Variants in XKR6 observed in about 807,000 individuals in gnomAD.
XKR6 encodes XK related 6, also known as XK-related protein 6.
A neutral mutation model predicts 56.7 loss-of-function variants in XKR6; 22 were observed. That is an observed-to-expected ratio of 0.39 (90% CI 0.28 to 0.55). XKR6 has a LOEUF of 0.55. Ranked by LOEUF, XKR6 falls within the 20% of genes least tolerant of loss-of-function variation. The pLI is 0.66. For synonymous variants in XKR6, 524 were observed against 387.8 expected, an observed-to-expected ratio of 1.35 and a Z score of -4.13; for missense variants, 852 against 889.0, an observed-to-expected ratio of 0.96 and a Z score of 0.53.
intron 1 of XKR6, among the ~76,000 whole-genome samples, chr8:11,046,034 T>C (rs1048348751): frequency 6.6e-6 from 1 of 152,036 alleles, no homozygotes; most frequent in Admixed American, 6.6e-5. Context: ...ATGCAGTCCC[T>C]CAAAAAAGTT....
intron 2 of XKR6, among the ~76,000 whole-genome samples, chr8:10,910,758 C>G (rs1039484246): frequency 2.0e-5 from 3 of 152,212 alleles, no homozygotes; most frequent in African/African-American, 7.2e-5. Context: ...CTTGTCTGTT[C>G]TTTTTAAGAT....
intron 1 of XKR6, among the ~76,000 whole-genome samples, chr8:10,979,570 C>G (rs947263699): frequency 1.4e-4 from 21 of 152,318 alleles, no homozygotes; most frequent in African/African-American, 5.1e-4. Context: ...GACAGTTGGT[C>G]AAGCCACTTC....
At chr8:11,140,764 G>T (rs1456871913) in intron 1 of XKR6, among the ~76,000 whole-genome samples, 1 of 152,042 alleles carries the variant, frequency 6.6e-6, no homozygotes, top group Non-Finnish European at 1.5e-5. Context: ...CAGGCATGGT[G>T]GTGGGCGCCT....
chr8:11,087,731 C>T (rs1004000976), intron 1 of XKR6, among the ~76,000 whole-genome samples: 3 of 152,216 alleles, frequency 2.0e-5, no homozygotes, highest in Admixed American at 2.0e-4. Flanking sequence ...AGTCACATAT[C>T]CAGCAACTTC....
At chr8:11,073,566 C>A (rs760219413) in intron 1 of XKR6, among the ~76,000 whole-genome samples, 1 of 152,184 alleles carries the variant, frequency 6.6e-6, no homozygotes, top group Non-Finnish European at 1.5e-5. Context: ...GTAACATATG[C>A]ACTGATCAAT....
At chr8:11,166,052 T>C (rs991036914) in intron 1 of XKR6, among the ~76,000 whole-genome samples, 5 of 151,792 alleles carry the variant, frequency 3.3e-5, no homozygotes, top group South Asian at 2.1e-4. Context: ...ACCTCCTGGA[T>C]TCAAGCAAAT....
In XKR6 at chr8:11,200,134, G is replaced by A. The variant is rs1804123553; in HGVS notation, c.764+442C>T. ...CCCCACGCAGGCCACTGCAGAGGGA[G>A]AACGGGGGAAGAGGGGAGGATGTCT... On this transcript the variant is annotated intron_variant, in intron 1 of 2. Transcript: ENST00000416569. The surrounding 1 kb of genome is among the most constrained non-coding windows in gnomAD (Gnocchi z 6.4). Among the ~76,000 whole-genome samples, 2 of 152,224 alleles carry A rather than the reference G, an allele frequency of 1.3e-5. No individual in the cohort carries two copies. The highest frequency in any genetic ancestry group is 2.9e-5 in the Non-Finnish European group (2 of 68,044).
intron 1 of XKR6, among the ~76,000 whole-genome samples, chr8:10,957,453 T>C (rs1438621719): frequency 1.3e-5 from 2 of 152,178 alleles, no homozygotes; most frequent in Admixed American, 6.5e-5. Flanking sequence ...GAGCCTCTTG[T>C]GGCCCATGGT....
chr8:11,170,167 A>G (rs906001184), intron 1 of XKR6, among the ~76,000 whole-genome samples: 1 of 152,246 alleles, frequency 6.6e-6, no homozygotes, highest in South Asian at 2.1e-4. Flanking sequence ...CAGAATTATC[A>G]TAAGACCCAG....
At chr8:11,003,673 G>A (rs1423264668) in intron 1 of XKR6, among the ~76,000 whole-genome samples, 1 of 152,202 alleles carries the variant, frequency 6.6e-6, no homozygotes, top group African/African-American at 2.4e-5. Flanking sequence ...CCTGCTCAAA[G>A]TCAAACTGTA....
At chr8:11,144,840 AGGAAGGGAAG>A (rs921621079) in intron 1 of XKR6, among the ~76,000 whole-genome samples, 1 of 141,570 alleles carries the variant, frequency 7.1e-6, no homozygotes, top group Non-Finnish European at 1.5e-5. Context: ...CTCAGTTTGG[AGGAAGGGAAG>A]GGAAGGGAGG....
At chr8:10,980,082 G>C (rs997847012) in intron 1 of XKR6, among the ~76,000 whole-genome samples, 6 of 152,248 alleles carry the variant, frequency 3.9e-5, no homozygotes, top group Non-Finnish European at 8.8e-5. Context: ...AGCTTGGAAT[G>C]AGATGCTCTA....
chr8:11,147,508 T>C (rs1196417879), intron 1 of XKR6, among the ~76,000 whole-genome samples: 3 of 151,718 alleles, frequency 2.0e-5, no homozygotes, highest in South Asian at 4.2e-4. Flanking sequence ...ATACAAAAAT[T>C]AGCTGGGTGT....
At chr8:10,986,219 C>T (rs756386915) in intron 1 of XKR6, among the ~76,000 whole-genome samples, 5 of 152,078 alleles carry the variant, frequency 3.3e-5, no homozygotes, top group Admixed American at 1.3e-4. Context: ...CCAGATGATT[C>T]GACATCTGGA....
chr8:10,964,041 C>G (rs1802140766), intron 1 of XKR6, among the ~76,000 whole-genome samples: 1 of 152,208 alleles, frequency 6.6e-6, no homozygotes, highest in South Asian at 2.1e-4. Context: ...ATCAGCCTCT[C>G]AGCCCTGGGC....
intron 1 of XKR6, among the ~76,000 whole-genome samples, chr8:10,964,105 A>T (rs1802142243): frequency 6.6e-6 from 1 of 152,192 alleles, no homozygotes; most frequent in Admixed American, 6.5e-5. Context: ...TGGGCTGTTC[A>T]GCTCTGAGAA....
At chr8:11,074,375 C>T (rs1320196300) in intron 1 of XKR6, among the ~76,000 whole-genome samples, 3 of 152,084 alleles carry the variant, frequency 2.0e-5, no homozygotes, top group East Asian at 1.9e-4. Context: ...GTGACACTGA[C>T]GATGCACCAG....
chr8:11,000,184 T>C (rs2129142785), intron 1 of XKR6, among the ~76,000 whole-genome samples: 1 of 152,230 alleles, frequency 6.6e-6, no homozygotes, highest in East Asian at 1.9e-4. Context: ...CCTGGTCCTG[T>C]CTTCCTTCTA....
At chr8:10,902,880 C>A (rs1036377137) in intron 2 of XKR6, among the ~76,000 whole-genome samples, 3 of 152,200 alleles carry the variant, frequency 2.0e-5, no homozygotes, top group Admixed American at 6.5e-5. Context: ...AAAACTCTTA[C>A]CCCCATCACT....
Sources: gnomAD v4.1 joint callset for allele counts (sites outside exome capture counted in the v4.1 genomes callset) on GRCh38, gnomAD v4.1.1 for gene constraint, Gnocchi (gnomAD v3.1) non-coding constraint, MANE v1.5 for transcripts, NCBI Gene and HGNC (gene_info 2026-07-23, HGNC 2026-07-21) for gene names.